The following CEP112 variants were observed in gnomAD, a reference collection of about 807,000 sequenced individuals.
The protein encoded by CEP112 is centrosomal protein of 112 kDa.
CEP112 carries 127 observed loss-of-function variants against 153.0 expected under a neutral mutation model. The ratio of observed to expected loss-of-function variants is 0.83; its 90% CI spans 0.72 to 0.96. CEP112 has a LOEUF of 0.96. Among genes scored for constraint, CEP112 ranks in the 40% least tolerant of loss-of-function variants. The probability of loss-of-function intolerance (pLI) is 0.00; values close to 1 mark genes in which losing one functional copy is unlikely to be tolerated. For synonymous variants in CEP112, 358 were observed against 374.4 expected (o/e 0.96, Z 0.51); for missense variants, 1,089 against 1,101.2 (o/e 0.99, Z 0.16).
intron 17 of CEP112, among the ~76,000 whole-genome samples, chr17:65,975,081 C>G (rs1202713710): frequency 2.0e-5 from 3 of 151,996 alleles, no homozygotes; most frequent in Non-Finnish European, 2.9e-5. Flanking sequence ...ATAACCAAAT[C>G]AACTTTAGAA....
At chr17:66,100,261 G>A (rs547412558) in intron 6 of CEP112, among the ~76,000 whole-genome samples, 14 of 151,964 alleles carry the variant, frequency 9.2e-5, no homozygotes, top group African/African-American at 2.2e-4. Flanking sequence ...TTAGATGGGC[G>A]TGGTGGTGGC....
intron 5 of CEP112, among the ~76,000 whole-genome samples, chr17:66,131,523 C>A (rs1001621100): frequency 6.6e-5 from 10 of 151,248 alleles, no homozygotes; most frequent in Non-Finnish European, 4.4e-5. Flanking sequence ...GGGCGGATCA[C>A]GAGGTCAGGA....
intron 23 of CEP112, among the ~76,000 whole-genome samples, chr17:65,691,902 C>T (rs2048121516): frequency 6.6e-6 from 1 of 152,270 alleles, no homozygotes; most frequent in East Asian, 1.9e-4. Context: ...TATGTTGTTC[C>T]CTGACTGAAA....
At chr17:65,636,079 A>G in intron 26 of CEP112, 105 bp from the exon 27 acceptor site, 2 of 1,043,420 alleles carry the variant, frequency 1.9e-6, no homozygotes, top group Non-Finnish European at 2.9e-6. Context: ...TGAAAAGGCT[A>G]TTTGATATCA....
At chr17:65,928,967 G>A (rs576576992) in intron 18 of CEP112, among the ~76,000 whole-genome samples, 9 of 152,186 alleles carry the variant, frequency 5.9e-5, no homozygotes, top group Non-Finnish European at 1.2e-4. Flanking sequence ...ACATACTGTA[G>A]GATTCCATTT....
chr17:65,924,693 T>C (rs766465104), intron 19 of CEP112, among the ~76,000 whole-genome samples: 10 of 152,296 alleles, frequency 6.6e-5, no homozygotes, highest in Non-Finnish European at 1.2e-4. Context: ...ATATGCTACA[T>C]AGCTCTTTCT....
At chr17:66,103,650 C>G (rs913521265) in intron 6 of CEP112, among the ~76,000 whole-genome samples, 3 of 129,664 alleles carry the variant, frequency 2.3e-5, no homozygotes, top group African/African-American at 7.8e-5. Flanking sequence ...CATAAAAAAG[C>G]ACCTTCATAA....
intron 17 of CEP112, among the ~76,000 whole-genome samples, chr17:65,961,961 T>C (rs1158297105): frequency 1.3e-5 from 2 of 152,240 alleles, no homozygotes; most frequent in Non-Finnish European, 2.9e-5. Context: ...TGCTACAACA[T>C]GGATGAACCT....
intron 23 of CEP112, among the ~76,000 whole-genome samples, chr17:65,736,487 T>C (rs2050810744): frequency 6.6e-6 from 1 of 152,116 alleles, no homozygotes; most frequent in Non-Finnish European, 1.5e-5. Flanking sequence ...CAAAATTCAT[T>C]TGTCTGGAAG....
In CEP112 at chr17:65,651,367, T is replaced by C. The variant is rs2318482; in HGVS notation, c.2698-10302A>G. On this transcript the variant is annotated intron_variant, in intron 24 of 26. Transcript: ENST00000535342. Reference sequence around the variant, plus strand: ...GACATCTGGGTTGGTTCCACGTTTATGCACCCCTTGTGAATTGTGCTGCCA... The same window carrying C: ...GACATCTGGGTTGGTTCCACGTTTACGCACCCCTTGTGAATTGTGCTGCCA... Among the ~76,000 whole-genome samples, 65 of 152,370 alleles carry C rather than the reference T, an allele frequency of 4.3e-4. 3 individuals are homozygous for C. In the South Asian group the frequency reaches 0.013, roughly 31 times the overall value.
intron 24 of CEP112, among the ~76,000 whole-genome samples, chr17:65,675,696 A>G (rs1057093512): frequency 6.6e-5 from 10 of 152,072 alleles, no homozygotes; most frequent in Admixed American, 5.2e-4. Flanking sequence ...ACAAAATATT[A>G]GTAGACCAAA....
At chr17:65,691,895 G>A (rs2048121049) in intron 23 of CEP112, among the ~76,000 whole-genome samples, 1 of 152,136 alleles carries the variant, frequency 6.6e-6, no homozygotes, top group Non-Finnish European at 1.5e-5. Flanking sequence ...ATCTGATTAT[G>A]TTGTTCCCTG....
chr17:66,045,522 A>T (rs1473439701), intron 12 of CEP112, among the ~76,000 whole-genome samples: 1 of 152,250 alleles, frequency 6.6e-6, no homozygotes, highest in Non-Finnish European at 1.5e-5. Context: ...TCCCTAAAGC[A>T]GTGATTTTCA....
chr17:65,705,667 T>C (rs2048879457), intron 23 of CEP112, among the ~76,000 whole-genome samples: 1 of 152,176 alleles, frequency 6.6e-6, no homozygotes, highest in African/African-American at 2.4e-5. Context: ...ACAGGACAAC[T>C]GACTTGGTTT....
intron 21 of CEP112, among the ~76,000 whole-genome samples, chr17:65,837,912 C>T (rs902346090): frequency 5.9e-5 from 9 of 152,002 alleles, no homozygotes; most frequent in Admixed American, 5.2e-4. Flanking sequence ...GAGTCATCAC[C>T]ACTCCCTAAT....
At chr17:65,779,029 G>A (rs1429441168) in intron 21 of CEP112, among the ~76,000 whole-genome samples, 1 of 151,818 alleles carries the variant, frequency 6.6e-6, no homozygotes, top group Non-Finnish European at 1.5e-5. Flanking sequence ...TTTTGTCTTG[G>A]TAAACAATTT....
chr17:66,177,933 T>C (rs778307964), intron 2 of CEP112, among the ~76,000 whole-genome samples: 20 of 152,210 alleles, frequency 1.3e-4, no homozygotes, highest in African/African-American at 4.8e-4. Flanking sequence ...ATTGTGTACA[T>C]ATATCACATT....
At chr17:65,777,582 A>G (rs2053753736) in intron 21 of CEP112, among the ~76,000 whole-genome samples, 2 of 152,174 alleles carry the variant, frequency 1.3e-5, no homozygotes, top group African/African-American at 2.4e-5. Context: ...CCAGTGATCA[A>G]TAAGCAGGTG....
At chr17:65,970,589 T>A (rs998374341) in intron 17 of CEP112, among the ~76,000 whole-genome samples, 1 of 152,110 alleles carries the variant, frequency 6.6e-6, no homozygotes. Context: ...GCGTGCATTT[T>A]ATATATTACC....
Sources: gnomAD v4.1 joint callset for allele counts (sites outside exome capture counted in the v4.1 genomes callset) on GRCh38, gnomAD v4.1.1 for gene constraint, MANE v1.5 for transcripts, NCBI Gene and HGNC (gene_info 2026-07-23, HGNC 2026-07-21) for gene names.